The following FBXL13 variants were observed in gnomAD, a reference collection of about 807,000 sequenced individuals.
FBXL13 encodes the protein F-box and leucine-rich repeat protein 13.
In FBXL13, 67 loss-of-function variants were observed where a neutral mutation model predicts 83.6. That is an observed-to-expected ratio of 0.80 (90% CI 0.66 to 0.98). The LOEUF is 0.98. Among genes scored for constraint, FBXL13 ranks in the 50% least tolerant of loss-of-function variants. The pLI, the probability that FBXL13 is intolerant of heterozygous loss-of-function variation, is 0.00. For synonymous variants in FBXL13, 272 were observed against 299.5 expected (o/e 0.91, Z 0.95); for missense variants, 822 against 866.5 (o/e 0.95, Z 0.64).
chr7:102,935,342 C>A (rs1820120897), intron 8 of FBXL13, among the ~76,000 whole-genome samples: 1 of 149,562 alleles, frequency 6.7e-6, no homozygotes, highest in Admixed American at 6.7e-5. Context: ...ACCTCCACCT[C>A]CCGGGTTCGA....
At chr7:102,919,737 G>GT (rs1415518271) in intron 10 of FBXL13, among the ~76,000 whole-genome samples, 8 of 152,110 alleles carry the variant, frequency 5.3e-5, no homozygotes, top group Non-Finnish European at 1.0e-4. Context: ...ATGAAGAGAA[G>GT]TTTCTGTTTA....
At chr7:102,921,967 G>T (rs1352708319) in intron 10 of FBXL13, among the ~76,000 whole-genome samples, 1 of 152,070 alleles carries the variant, frequency 6.6e-6, no homozygotes, top group Admixed American at 6.5e-5. Flanking sequence ...AAGGTGGGTG[G>T]ATCACTTGAG....
chr7:102,920,060 T>C (rs1011187235), intron 10 of FBXL13, among the ~76,000 whole-genome samples: 1 of 152,066 alleles, frequency 6.6e-6, no homozygotes, highest in Non-Finnish European at 1.5e-5. Context: ...TGTGCAGGGG[T>C]GTCAAGTTCA....
intron 6 of FBXL13, among the ~76,000 whole-genome samples, chr7:102,969,307 G>C (rs1826325839): frequency 6.6e-6 from 1 of 152,066 alleles, no homozygotes; most frequent in Admixed American, 6.6e-5. Context: ...TGCTGTACAG[G>C]CCTGTAGTCT....
chr7:103,063,749 C>T (rs1472183268), intron 1 of FBXL13, among the ~76,000 whole-genome samples: 2 of 123,362 alleles, frequency 1.6e-5, no homozygotes, highest in Non-Finnish European at 3.3e-5. Context: ...GAGACAGTCT[C>T]TCACTATGTT....
At chr7:102,938,458 A>T (rs1249121527) in intron 8 of FBXL13, among the ~76,000 whole-genome samples, 1 of 152,220 alleles carries the variant, frequency 6.6e-6, no homozygotes, top group Non-Finnish European at 1.5e-5. Flanking sequence ...TAAATGGGGA[A>T]ATTACCTGGA....
intron 2 of FBXL13, among the ~76,000 whole-genome samples, chr7:103,052,107 A>G (rs1796876775): frequency 6.6e-6 from 1 of 152,254 alleles, no homozygotes; most frequent in Non-Finnish European, 1.5e-5. Context: ...TAGGCAATCC[A>G]CAATTAATGG....
chr7:102,837,483 C>T (rs1429451553), intron 17 of FBXL13, among the ~76,000 whole-genome samples: 1 of 152,184 alleles, frequency 6.6e-6, no homozygotes, highest in East Asian at 1.9e-4. Flanking sequence ...TGGCTTCAAA[C>T]CAGCTCAAAT....
At chr7:103,010,571 G>A (rs560253347) in intron 6 of FBXL13, among the ~76,000 whole-genome samples, 1 of 152,228 alleles carries the variant, frequency 6.6e-6, no homozygotes, top group East Asian at 1.9e-4. Flanking sequence ...AGTCTATAGT[G>A]CAGTAGGGGG....
chr7:103,024,855 ATATTTT>A (rs1244145105), intron 6 of FBXL13, among the ~76,000 whole-genome samples: 1 of 86,380 alleles, frequency 1.2e-5, no homozygotes, highest in Non-Finnish European at 2.0e-5. Flanking sequence ...ATATATATAT[ATATTTT>A]TTTTTTTTTT....
intron 7 of FBXL13, among the ~76,000 whole-genome samples, chr7:102,964,945 A>C (rs1825819630): frequency 6.6e-6 from 1 of 152,218 alleles, no homozygotes; most frequent in African/African-American, 2.4e-5. Context: ...AGGGCAAAAA[A>C]GCACAACTCA....
intron 18 of FBXL13, among the ~76,000 whole-genome samples, chr7:102,826,740 T>TAC (rs1562911113): frequency 6.6e-5 from 6 of 90,458 alleles, no homozygotes; most frequent in Non-Finnish European, 1.2e-4. Flanking sequence ...TATATATATA[T>TAC]ATATATATAT....
chr7:102,953,098 T>C (rs1052051993), intron 8 of FBXL13, among the ~76,000 whole-genome samples: 2 of 152,078 alleles, frequency 1.3e-5, no homozygotes, highest in African/African-American at 4.8e-5. Context: ...AAACCAAACA[T>C]TAATCCTCAA....
intron 16 of FBXL13, among the ~76,000 whole-genome samples, chr7:102,877,078 T>G (rs986580970): frequency 5.9e-5 from 9 of 152,188 alleles, no homozygotes; most frequent in African/African-American, 2.2e-4. Flanking sequence ...AGTTTAGTCT[T>G]GAACTAAAGA....
At chr7:102,934,212 T>G (rs771789208) in intron 8 of FBXL13, 2 of 1,614,250 alleles carry the variant, frequency 1.2e-6, no homozygotes, top group Admixed American at 3.3e-5. Context: ...AAGAACAACA[T>G]GTTTTCCAAG....
chr7:103,026,177 C>A (rs1176000940), intron 5 of FBXL13, among the ~76,000 whole-genome samples: 1 of 151,998 alleles, frequency 6.6e-6, no homozygotes, highest in East Asian at 1.9e-4. Context: ...TCGCTTTTGT[C>A]GCCCAGGCTG....
Position 102,826,761 on chromosome 7 carries a change from A to G in FBXL13, c.1855-4558T>C, listed in dbSNP as rs971052616. On this transcript the variant is annotated intron_variant, in intron 18 of 19. Coordinates refer to ENST00000313221, the Ensembl canonical transcript of FBXL13. ...TATATATATATATATATATATATAT[A>G]TATATATATATGTATATATATCTCT... 1.8e-4 allele frequency among the ~76,000 whole-genome samples: 18 copies of G among 101,862 alleles called. 1 individual carries two copies. Among genetic ancestry groups the G allele is most frequent in the East Asian group, 4.2e-4 (1 of 2,386 alleles). The allele number at this position is 101,862 out of a possible 152,430, so 66.8% of individuals were successfully genotyped here.
intron 16 of FBXL13, among the ~76,000 whole-genome samples, chr7:102,876,278 T>G (rs1809248313): frequency 6.6e-6 from 1 of 152,096 alleles, no homozygotes; most frequent in Non-Finnish European, 1.5e-5. Context: ...GACGGGAAAC[T>G]AAACACCAAA....
intron 17 of FBXL13, among the ~76,000 whole-genome samples, chr7:102,845,953 C>T (rs913315746): frequency 2.6e-5 from 4 of 152,198 alleles, no homozygotes; most frequent in Admixed American, 2.6e-4. Context: ...ACATTTTATA[C>T]ACTAGCTCAT....
Sources: allele counts gnomAD v4.1 joint callset (sites outside exome capture counted in the v4.1 genomes callset), GRCh38; gene constraint gnomAD v4.1.1; transcripts MANE v1.5; gene names NCBI Gene and HGNC (gene_info 2026-07-23, HGNC 2026-07-21).